DMD: variants seen among roughly 807,000 people sequenced by gnomAD.
The protein encoded by DMD is mutant dystrophin.
DMD carries 63 observed loss-of-function variants against 330.1 expected under a neutral mutation model. That is an observed-to-expected ratio of 0.19 (90% confidence interval 0.16 to 0.24). DMD has a LOEUF of 0.24. Among genes scored for constraint, DMD ranks in the 10% least tolerant of loss-of-function variants. The pLI, the probability that DMD is intolerant of heterozygous loss-of-function variation, is 1.00. For synonymous variants in DMD, 1,223 were observed against 959.8 expected (o/e 1.27, Z -5.07); for missense variants, 3,344 against 2,684.1 (o/e 1.25, Z -5.43).
chrX:31,978,000 G>A (rs2095448671), intron 44 of DMD, among the ~76,000 whole-genome samples: 7 of 111,112 alleles, frequency 6.3e-5, no homozygotes, highest in Admixed American at 4.8e-4. Context: ...GTAAAAGAGT[G>A]GTGAAAACTA....
intron 48 of DMD, among the ~76,000 whole-genome samples, chrX:31,867,539 G>C (rs1377764483): frequency 9.0e-6 from 1 of 110,511 alleles, no homozygotes. Flanking sequence ...TTTAATCTCA[G>C]ATTGGTTTGA....
At chrX:32,473,785 C>T (rs990689735) in intron 21 of DMD, among the ~76,000 whole-genome samples, 1 of 111,202 alleles carries the variant, frequency 9.0e-6, no homozygotes, top group Non-Finnish European at 1.9e-5. Context: ...TACTTAAAAT[C>T]TGTTTTAATT....
At chrX:32,864,997 G>A (rs1036855741) in intron 2 of DMD, among the ~76,000 whole-genome samples, 3 of 111,476 alleles carry the variant, frequency 2.7e-5, no homozygotes, top group Admixed American at 9.6e-5. Flanking sequence ...TGTGAGATTC[G>A]GTGTAGTTGT....
At chrX:32,993,566 G>A (rs1167006211) in intron 2 of DMD, among the ~76,000 whole-genome samples, 2 of 108,104 alleles carry the variant, frequency 1.9e-5, no homozygotes, top group Non-Finnish European at 3.8e-5. Context: ...TCATGCCACT[G>A]CACTCCAGCC....
rs1035259640 is a variant in DMD, at chrX:31,167,503, T to A, written c.10553+1940A>T. On this transcript the variant is annotated intron_variant, in intron 74 of 78. Transcript: ENST00000357033. ...TCAAAAGATATATTACACGATCATATACTTCAAAAATATATTTACTCCTTG... is the reference window on the plus strand; with the variant it reads ...TCAAAAGATATATTACACGATCATAAACTTCAAAAATATATTTACTCCTTG... 6.3e-5 allele frequency among the ~76,000 whole-genome samples: 7 copies of A among 111,959 alleles called. No homozygotes were observed. The East Asian group carries it at 2.0e-3, about 31-fold the overall frequency.
intron 44 of DMD, among the ~76,000 whole-genome samples, chrX:32,104,151 T>C (rs2146536228): frequency 9.0e-6 from 1 of 111,640 alleles, no homozygotes; most frequent in Non-Finnish European, 1.9e-5. Context: ...CTTGGGCTAC[T>C]GCAACTCTGT....
chrX:33,112,113 C>G (rs1419365320), intron 1 of DMD, among the ~76,000 whole-genome samples: 2 of 110,343 alleles, frequency 1.8e-5, no homozygotes, highest in East Asian at 2.8e-4. Context: ...CAACTGCAGT[C>G]CAAAAATAGA....
At chrX:31,289,290 C>CA (rs199636742) in intron 62 of DMD, among the ~76,000 whole-genome samples, 12,514 of 74,023 alleles carry the variant, frequency 0.17, 1,466 homozygotes, top group African/African-American at 0.3. Context: ...AAATCCATCT[C>CA]AAAAAAAAAA....
intron 9 of DMD, among the ~76,000 whole-genome samples, chrX:32,668,839 T>A (rs995357969): frequency 4.5e-5 from 5 of 110,453 alleles, no homozygotes; most frequent in Non-Finnish European, 9.5e-5. Flanking sequence ...CTAATAATAA[T>A]CACTTACTAA....
intron 29 of DMD, among the ~76,000 whole-genome samples, chrX:32,416,931 T>A (rs1197455766): frequency 1.8e-5 from 2 of 111,882 alleles, no homozygotes; most frequent in African/African-American, 3.3e-5. Flanking sequence ...CTATTTCCTT[T>A]TAGTGTTTCT....
chrX:33,314,576 T>TG (rs1355401624), intron 1 of DMD, among the ~76,000 whole-genome samples: 10 of 99,328 alleles, frequency 1.0e-4, no homozygotes, highest in Middle Eastern at 5.2e-3. Flanking sequence ...TTTTGTTTTT[T>TG]TTTTTTTTTT....
intron 60 of DMD, among the ~76,000 whole-genome samples, chrX:31,384,156 C>A (rs2060322206): frequency 8.9e-6 from 1 of 111,969 alleles, no homozygotes; most frequent in Non-Finnish European, 1.9e-5. Context: ...CAAAAGCACT[C>A]ACCCTGGCTC....
At chrX:31,395,836 C>T (rs2060897109) in intron 60 of DMD, among the ~76,000 whole-genome samples, 1 of 111,663 alleles carries the variant, frequency 9.0e-6, no homozygotes, top group African/African-American at 3.3e-5. Context: ...TTTTTGCTGC[C>T]ATTGCAATTC....
intron 9 of DMD, among the ~76,000 whole-genome samples, chrX:32,648,533 G>A (rs1187217885): frequency 1.8e-5 from 2 of 111,303 alleles, no homozygotes; most frequent in Admixed American, 9.6e-5. Flanking sequence ...TTTCAGATGT[G>A]CATATGGGTT....
At chrX:31,346,215 A>T (rs1227606001) in intron 61 of DMD, among the ~76,000 whole-genome samples, 3 of 111,697 alleles carry the variant, frequency 2.7e-5, no homozygotes, top group Non-Finnish European at 5.6e-5. Context: ...TTGAGTTTCA[A>T]TCCTGGCTCC....
chrX:32,640,029 T>A (rs1380911695), intron 11 of DMD, among the ~76,000 whole-genome samples: 1 of 109,724 alleles, frequency 9.1e-6, no homozygotes, highest in Non-Finnish European at 1.9e-5. Flanking sequence ...TAACAAGACC[T>A]CATTCCCTGC....
chrX:32,577,569 T>A (rs912139462), intron 13 of DMD, among the ~76,000 whole-genome samples: 2 of 112,441 alleles, frequency 1.8e-5, no homozygotes, highest in African/African-American at 6.5e-5. Flanking sequence ...ATTTGCTTGA[T>A]CATGGTTCTT....
Position 32,133,457 on chromosome X carries a change from C to A in DMD, c.6438+83459G>T, listed in dbSNP as rs138936801. On this transcript the variant is annotated intron_variant, in intron 44 of 78. Coordinates refer to ENST00000357033, the MANE Select transcript of DMD (RefSeq NM_004006.3). Reference sequence around the variant, plus strand: ...CTTTAAATGTTATCTTATACAAACACCTCCGAAATTTAAACGTCCAACCTG... The same window carrying A: ...CTTTAAATGTTATCTTATACAAACAACTCCGAAATTTAAACGTCCAACCTG... 5.0e-4 allele frequency among the ~76,000 whole-genome samples: 56 copies of A among 111,643 alleles called. No homozygotes were observed. In the Admixed American group the frequency reaches 5.1e-3, roughly 10 times the overall value.
intron 2 of DMD, among the ~76,000 whole-genome samples, chrX:33,018,704 T>C (rs1281656910): frequency 1.8e-5 from 2 of 111,837 alleles, no homozygotes; most frequent in Non-Finnish European, 3.8e-5. Context: ...TGTTTGAAAA[T>C]ATGTCTCTTG....
Sources: gnomAD v4.1 joint callset for allele counts (sites outside exome capture counted in the v4.1 genomes callset) on GRCh38, gnomAD v4.1.1 for gene constraint, MANE v1.5 for transcripts, NCBI Gene and HGNC (gene_info 2026-07-23, HGNC 2026-07-21) for gene names.